The following TM4SF4 variants were observed in gnomAD, a reference collection of about 807,000 sequenced individuals.
TM4SF4 encodes the protein transmembrane 4 L6 family member 4.
TM4SF4 carries 24 observed loss-of-function variants against 24.1 expected under a neutral mutation model. That is an observed-to-expected ratio of 1.00 (90% CI 0.72 to 1.40). The LOEUF (loss-of-function observed/expected upper bound fraction) is 1.40, where lower values mean the gene tolerates loss of function less well. Ranked by LOEUF, TM4SF4 falls within the 40% of genes most tolerant of loss-of-function variation. The probability of loss-of-function intolerance (pLI) is 0.00; values close to 1 mark genes in which losing one functional copy is unlikely to be tolerated. For synonymous variants in TM4SF4, 113 were observed against 97.0 expected (o/e 1.17, Z -0.97); for missense variants, 254 against 254.2 (o/e 1.00, Z 0.01).
intron 3 of TM4SF4, among the ~76,000 whole-genome samples, chr3:149,488,587 G>A (rs1320981594): frequency 6.6e-6 from 1 of 152,154 alleles, no homozygotes; most frequent in African/African-American, 2.4e-5. Context: ...TAGAAATAAA[G>A]TTAAAAATTC....
At chr3:149,501,289 G>T (rs1367649086) in intron 4 of TM4SF4, among the ~76,000 whole-genome samples, 1 of 152,144 alleles carries the variant, frequency 6.6e-6, no homozygotes, top group African/African-American at 2.4e-5. Context: ...CTCACAGAGG[G>T]TGAATGTACA....
chr3:149,480,549 T>C (rs1734017193), intron 2 of TM4SF4, among the ~76,000 whole-genome samples: 1 of 152,158 alleles, frequency 6.6e-6, no homozygotes, highest in African/African-American at 2.4e-5. Context: ...ATGCGGTCTG[T>C]GTGTTGTGGT....
In TM4SF4 at chr3:149,486,025, T is replaced by C. The variant is rs370342450; in HGVS notation, c.265-1594T>C. 7.2e-5 allele frequency among the ~76,000 whole-genome samples: 11 copies of C among 152,254 alleles called. 2 individuals carry two copies. Among genetic ancestry groups the C allele is most frequent in the Admixed American group, 5.2e-4 (8 of 15,298 alleles). On this transcript the variant is annotated intron_variant, in intron 2 of 4. Transcript: ENST00000305354. ...TAAATTTTCTATTAAAAAGACTTTT[T>C]TTAAAAGTTGCATCCAAAATACATT...
intron 2 of TM4SF4, among the ~76,000 whole-genome samples, chr3:149,479,650 C>T (rs759032873): frequency 6.6e-6 from 1 of 152,192 alleles, no homozygotes; most frequent in Non-Finnish European, 1.5e-5. Flanking sequence ...GCCCCAGCTC[C>T]TTCGGGGACA....
At chr3:149,498,491 A>G (rs1394671292) in intron 3 of TM4SF4, among the ~76,000 whole-genome samples, 2 of 152,206 alleles carry the variant, frequency 1.3e-5, no homozygotes, top group African/African-American at 4.8e-5. Flanking sequence ...TTCTTTGGGG[A>G]ATAAATGAGT....
At chr3:149,487,587 AGAAT>A (rs774309174) in intron 2 of TM4SF4, 28 bp from the exon 3 acceptor site, 2 of 1,613,448 alleles carry the variant, frequency 1.2e-6, no homozygotes, top group Non-Finnish European at 1.7e-6. Context: ...GACCACCTGG[AGAAT>A]GTGACTGTCT....
chr3:149,502,203 ACATAGCACTTGGTCTCTCAGCACCTCTT>A (rs1734440747), intron 4 of TM4SF4, among the ~76,000 whole-genome samples: 1 of 152,158 alleles, frequency 6.6e-6, no homozygotes, highest in African/African-American at 2.4e-5. Flanking sequence ...GTGGCTTTCC[ACATAGCACTTGGTCTCTCAGCACCTCTT>A]ACCAAATTAT....
chr3:149,487,761 G>C lies in TM4SF4; in HGVS notation c.401+6G>C. 1.2e-6 allele frequency: 2 copies of C among 1,613,612 alleles called. No homozygotes were observed. The highest frequency in any genetic ancestry group is 1.7e-6 in the Non-Finnish European group (2 of 1,179,590). On this transcript the variant is annotated splice_donor_region_variant and intron_variant, in intron 3 of 4. Coordinates refer to ENST00000305354, the MANE Select transcript of TM4SF4 (RefSeq NM_004617.4). The stretch of plus-strand genomic sequence containing the variant: ...GGCTACCCCTTCCACGACGGGTAAG[G>C]CCACACCCTGCAATGCCCACCTGTC...
chr3:149,491,858 A>G (rs1375506405), intron 3 of TM4SF4, among the ~76,000 whole-genome samples: 5 of 152,190 alleles, frequency 3.3e-5, no homozygotes, highest in African/African-American at 1.2e-4. Flanking sequence ...AAAGGCTGAC[A>G]TGCTCAGGGA....
chr3:149,486,240 G>A (rs116491795), intron 2 of TM4SF4, among the ~76,000 whole-genome samples: 364 of 152,240 alleles, frequency 2.4e-3, no homozygotes, highest in Non-Finnish European at 3.6e-3. Flanking sequence ...AAGCTGCCAC[G>A]TCTAATTTTC....
intron 2 of TM4SF4, among the ~76,000 whole-genome samples, chr3:149,477,742 C>A (rs551978671): frequency 1.3e-5 from 2 of 151,870 alleles, no homozygotes; most frequent in Admixed American, 1.3e-4. Flanking sequence ...ATGTAATATA[C>A]GTTTTATATA....
chr3:149,500,187 A>G (rs960176069), intron 4 of TM4SF4, among the ~76,000 whole-genome samples: 7 of 152,164 alleles, frequency 4.6e-5, no homozygotes, highest in African/African-American at 1.7e-4. Context: ...TTAGCAGGAT[A>G]CAAAAATTGT....
rs939718637 is a variant in TM4SF4 at position 149,477,808 on chromosome 3, C to T, written c.264+1896C>T. On this transcript the variant is annotated intron_variant, in intron 2 of 4. Coordinates refer to ENST00000305354, the MANE Select transcript of TM4SF4 (RefSeq NM_004617.4). The stretch of plus-strand genomic sequence containing the variant: ...AAAGAAGGTATTTATAACTTATTTT[C>T]CCCTTGAATTATAATCCCATTATAT... Among the ~76,000 whole-genome samples the T allele has an allele frequency of 7.2e-5, 11 of 151,876 alleles. 2 individuals carry two copies. The highest frequency in any genetic ancestry group is 5.2e-4 in the Admixed American group (8 of 15,256).
chr3:149,484,338 A>G (rs957222308), intron 2 of TM4SF4, among the ~76,000 whole-genome samples: 3 of 152,024 alleles, frequency 2.0e-5, no homozygotes, highest in African/African-American at 4.8e-5. Context: ...CTCCACAATT[A>G]TAAACAAGAA....
chr3:149,492,044 T>C (rs1251182045), intron 3 of TM4SF4, among the ~76,000 whole-genome samples: 1 of 152,130 alleles, frequency 6.6e-6, no homozygotes, highest in Non-Finnish European at 1.5e-5. Flanking sequence ...GGCATGATGG[T>C]TCTAGTGATG....
intron 2 of TM4SF4, among the ~76,000 whole-genome samples, chr3:149,480,895 G>A (rs148923716): frequency 3.0e-4 from 45 of 151,552 alleles, no homozygotes; most frequent in African/African-American, 1.0e-3. Context: ...TTGCACTGTT[G>A]CCCGGGCTGG....
At chr3:149,487,812 T>C in intron 3 of TM4SF4, 57 bp downstream of exon 3, 5 of 1,598,260 alleles carry the variant, frequency 3.1e-6, no homozygotes, top group Non-Finnish European at 3.4e-6. Flanking sequence ...GGCAGATAAA[T>C]TGCCCAAGGG....
Position 149,474,744 on chromosome 3 carries a change from T to A in TM4SF4, c.-134T>A. 2.3e-6 allele frequency: 2 copies of A among 868,440 alleles called. No individual in the cohort carries two copies. The highest frequency in any genetic ancestry group is 3.4e-6 in the Non-Finnish European group (2 of 584,788). 53.8% of individuals were successfully genotyped at this position (868,440 alleles called of 1,614,324 possible). A position where few individuals can be genotyped will look rare whatever the true frequency, so the allele number is the denominator to read the frequency against. On this transcript the variant is annotated 5_prime_UTR_variant, in exon 1 of 5. Coordinates refer to ENST00000305354, the MANE Select transcript of TM4SF4 (RefSeq NM_004617.4). ...TCCAAGGACACAGTTCACAGAAATT[T>A]GGTTCTCAGCCCCAAAATACTGATT...
intron 4 of TM4SF4, among the ~76,000 whole-genome samples, chr3:149,499,428 G>T (rs1045184589): frequency 7.2e-5 from 11 of 152,036 alleles, no homozygotes; most frequent in Non-Finnish European, 1.2e-4. Context: ...AATCACTCAG[G>T]CTTTAGTCTC....
Sources: gnomAD v4.1 joint callset for allele counts (sites outside exome capture counted in the v4.1 genomes callset) on GRCh38, gnomAD v4.1.1 for gene constraint, MANE v1.5 for transcripts, NCBI Gene and HGNC (gene_info 2026-07-23, HGNC 2026-07-21) for gene names.